Variants in CLOCK observed in about 807,000 individuals in gnomAD.
CLOCK encodes the protein clock circadian regulator.
Under a neutral mutation model 118.4 loss-of-function variants are expected in CLOCK, and 43 were observed. The observed-to-expected ratio is 0.36, with a 90% confidence interval of 0.28 to 0.47. The LOEUF is 0.47. CLOCK is among the 20% of genes least tolerant of loss of function. CLOCK has a pLI of 1.00. For synonymous variants in CLOCK, 326 were observed against 339.2 expected, an observed-to-expected ratio of 0.96 and a Z score of 0.43; for missense variants, 846 against 999.9, an observed-to-expected ratio of 0.85 and a Z score of 2.08.
At chr4:55,482,875 T>C in intron 3 of CLOCK, 47 bp from the exon 4 acceptor site, 1 of 903,688 alleles carries the variant, frequency 1.1e-6, no homozygotes, top group Non-Finnish European at 1.8e-6. Context: ...CTAAAAATGT[T>C]ACTTCCACAA....
In CLOCK at chr4:55,453,791, T is replaced by A; in HGVS notation, c.1016A>T (p.Tyr339Phe). 1 of 1,607,962 alleles carries A rather than the reference T, an allele frequency of 6.2e-7. No homozygotes were observed. Among genetic ancestry groups the A allele is most frequent in the East Asian group, 2.2e-5 (1 of 44,622 alleles). Residue 339 changes from tyrosine to phenylalanine, a missense_variant, in exon 14 of 23, where the codon TAT becomes TTT. Transcript: ENST00000513440. ...CTGTTGCCCCTTAGTCAGGAACCTA[T>A]AATAACATGATTTGCCTTTCCCATA... ...MQYGKGKSCY[Y>F]RFLTKGQQWI...
At chr4:55,491,773 C>A (rs902960651) in intron 2 of CLOCK, among the ~76,000 whole-genome samples, 5 of 152,004 alleles carry the variant, frequency 3.3e-5, no homozygotes, top group Non-Finnish European at 5.9e-5. Context: ...GAGAAGACTG[C>A]ATGCAACAGC....
chr4:55,534,216 TA>T (rs1486208547), intron 1 of CLOCK, among the ~76,000 whole-genome samples: 2 of 152,198 alleles, frequency 1.3e-5, no homozygotes, highest in African/African-American at 2.4e-5. Flanking sequence ...AACGAGTGCT[TA>T]TTCTACTCTC....
chr4:55,524,980 C>A (rs1349717778), intron 1 of CLOCK, among the ~76,000 whole-genome samples: 4 of 152,018 alleles, frequency 2.6e-5, no homozygotes, highest in South Asian at 4.2e-4. Flanking sequence ...TATTCTATCA[C>A]TCTCCTAGGT....
chr4:55,497,221 C>T (rs986410598), intron 2 of CLOCK, among the ~76,000 whole-genome samples: 1 of 152,154 alleles, frequency 6.6e-6, no homozygotes, highest in African/African-American at 2.4e-5. Flanking sequence ...TTAGAGGCCA[C>T]CCGTATTCTT....
At chr4:55,543,022 C>G (rs2110126244) in intron 1 of CLOCK, among the ~76,000 whole-genome samples, 1 of 152,182 alleles carries the variant, frequency 6.6e-6, no homozygotes, top group African/African-American at 2.4e-5. Flanking sequence ...CAAGTGATCC[C>G]TCCACCTCAG....
chr4:55,441,679 A>G (rs998601782), intron 21 of CLOCK, among the ~76,000 whole-genome samples: 1 of 152,214 alleles, frequency 6.6e-6, no homozygotes, highest in African/African-American at 2.4e-5. Flanking sequence ...GAGCTAAGCT[A>G]TGGGTACAGC....
chr4:55,441,112 C>A, intron 21 of CLOCK, among the ~76,000 whole-genome samples: 1 of 152,278 alleles, frequency 6.6e-6, no homozygotes, highest in Admixed American at 6.5e-5. Flanking sequence ...GGGGAAGGAA[C>A]GATGCCATAC....
At chr4:55,436,892 C>CTTTTTTT (rs35888413) in intron 22 of CLOCK, among the ~76,000 whole-genome samples, 2 of 98,366 alleles carry the variant, frequency 2.0e-5, no homozygotes, top group African/African-American at 7.3e-5. Flanking sequence ...TTTGGGATGC[C>CTTTTTTT]TTTTTTTTTT....
At chr4:55,438,150 T>C in intron 22 of CLOCK, 132 bp downstream of exon 22, 5 of 1,193,842 alleles carry the variant, frequency 4.2e-6, no homozygotes, top group Non-Finnish European at 5.9e-6. Context: ...CTTTCTATCT[T>C]TGTAGAGATT....
intron 14 of CLOCK, 33 bp downstream of exon 14, chr4:55,453,643 CA>C: frequency 6.3e-7 from 1 of 1,582,420 alleles, no homozygotes; most frequent in Non-Finnish European, 8.7e-7. Flanking sequence ...TAGGATGTTA[CA>C]GTAATTCAGA....
In CLOCK at chr4:55,449,345, T is replaced by C. The variant is rs772875463; in HGVS notation, c.1449+51A>G. On this transcript the variant is annotated intron_variant, in intron 17 of 22. Coordinates refer to ENST00000513440, the MANE Select transcript of CLOCK (RefSeq NM_004898.4). ...GAATTTCTGAAGATTTAGATCATTT[T>C]TCCCCTCTTAATAAATCTTTATTCA... The C allele has an allele frequency of 7.5e-6, 11 of 1,467,550 alleles. No homozygotes were observed. In the Admixed American group the frequency reaches 1.8e-4, roughly 25 times the overall value. The allele number at this position is 1,467,550 out of a possible 1,614,324, so 90.9% of individuals were successfully genotyped here. A position where few individuals can be genotyped will look rare whatever the true frequency, so the allele number is the denominator to read the frequency against.
intron 21 of CLOCK, among the ~76,000 whole-genome samples, chr4:55,440,526 T>A (rs1303165773): frequency 6.6e-6 from 1 of 152,208 alleles, no homozygotes; most frequent in Admixed American, 6.5e-5. Flanking sequence ...ATATTACACT[T>A]AGTACAGATC....
chr4:55,459,668 TCTTC>T (rs1278598267), intron 9 of CLOCK, among the ~76,000 whole-genome samples: 1 of 152,118 alleles, frequency 6.6e-6, no homozygotes, highest in Non-Finnish European at 1.5e-5. Flanking sequence ...GTCCTTACTT[TCTTC>T]TTTTTTTTGA....
intron 22 of CLOCK, among the ~76,000 whole-genome samples, 175 bp downstream of exon 22, chr4:55,438,107 A>C (rs981418637): frequency 3.9e-5 from 6 of 152,226 alleles, no homozygotes; most frequent in African/African-American, 1.4e-4. Context: ...ACGACTGAGC[A>C]AGGGAAGAAA....
rs1161733062 is a variant in CLOCK at position 55,459,014 on chromosome 4, A to G, written c.674-4T>C. The G allele has an allele frequency of 1.9e-6, 3 of 1,602,610 alleles. No homozygotes were observed. The highest frequency in any genetic ancestry group is 2.7e-5 in the African/African-American group (2 of 74,636). On this transcript the variant is annotated splice_polypyrimidine_tract_variant and splice_region_variant and intron_variant, in intron 10 of 22. Coordinates refer to ENST00000513440, the MANE Select transcript of CLOCK (RefSeq NM_004898.4). ...CCATTGTGTGCTGAAGAGGATACTAAAACAATAGGGAAATATGTATCATCA... is the reference window on the plus strand; with the variant it reads ...CCATTGTGTGCTGAAGAGGATACTAGAACAATAGGGAAATATGTATCATCA...
intron 2 of CLOCK, among the ~76,000 whole-genome samples, chr4:55,500,421 GCAGCCTCGA>G (rs1307090526): frequency 1.3e-5 from 2 of 152,282 alleles, no homozygotes; most frequent in African/African-American, 4.8e-5. Context: ...ACAGCTCACT[GCAGCCTCGA>G]CCTCCTGGGC....
In CLOCK at chr4:55,428,573, T is replaced by A. The variant is rs1328072955; in HGVS notation, c.*6842A>T. ...TTTGCCTTAGTAAAGGGTATTCTTA[T>A]CTCAAGATCAATTAGCCGTTTTTAG... is the stretch of plus-strand genomic sequence containing the variant. On this transcript the variant is annotated 3_prime_UTR_variant, in exon 23 of 23. Transcript: ENST00000513440. 6.6e-6 allele frequency: 1 copy of A among 152,186 alleles called. No homozygotes were observed. Among genetic ancestry groups the A allele is most frequent in the African/African-American group, 2.4e-5 (1 of 41,450 alleles). The allele number at this position is 152,186 out of a possible 1,614,324, so 9.4% of individuals were successfully genotyped here.
At chr4:55,546,398 G>A (rs1486319733) in intron 1 of CLOCK, 2 of 152,594 alleles carry the variant, frequency 1.3e-5, no homozygotes, top group Non-Finnish European at 2.9e-5. Context: ...TTGGGCTTCA[G>A]CTCCCGCCTT....
Sources: allele counts gnomAD v4.1 joint callset (sites outside exome capture counted in the v4.1 genomes callset), GRCh38; gene constraint gnomAD v4.1.1; transcripts MANE v1.5; gene names NCBI Gene and HGNC (gene_info 2026-07-23, HGNC 2026-07-21).